Variants in DAB1 observed in about 807,000 individuals in gnomAD.
DAB1 encodes the protein disabled homolog 1.
A neutral mutation model predicts 64.6 loss-of-function variants in DAB1; 15 were observed. That is an observed-to-expected ratio of 0.23 (90% CI 0.16 to 0.36). The LOEUF (loss-of-function observed/expected upper bound fraction) is 0.36, where lower values mean the gene tolerates loss of function less well. DAB1 is among the 10% of genes least tolerant of loss of function. The pLI is 1.00. For synonymous variants in DAB1, 235 were observed against 251.9 expected, an observed-to-expected ratio of 0.93 and a Z score of 0.64; for missense variants, 596 against 706.7, an observed-to-expected ratio of 0.84 and a Z score of 1.78.
intron 6 of DAB1, among the ~76,000 whole-genome samples, chr1:57,738,693 G>A (rs1647816189): frequency 6.6e-6 from 1 of 152,140 alleles, no homozygotes; most frequent in African/African-American, 2.4e-5. Context: ...CCATGTAATT[G>A]TTCAAGTTCA....
intron 3 of DAB1, among the ~76,000 whole-genome samples, chr1:58,446,253 ATTACG>A (rs1645065659): frequency 1.3e-5 from 2 of 152,224 alleles, no homozygotes; most frequent in Non-Finnish European, 2.9e-5. Context: ...CTCCCAGCCC[ATTACG>A]TTACACAAAG....
intron 1 of DAB1, among the ~76,000 whole-genome samples, chr1:57,845,032 G>A (rs1194145868): frequency 6.6e-6 from 1 of 152,170 alleles, no homozygotes; most frequent in African/African-American, 2.4e-5. Flanking sequence ...AACCATCTGA[G>A]ATTAATTCTG....
Position 57,034,890 on chromosome 1 carries a change from T to C in DAB1, c.724-8847A>G, listed in dbSNP as rs546730586. Among the ~76,000 whole-genome samples the C allele has an allele frequency of 1.1e-3, 170 of 152,320 alleles. 1 individual carries two copies. Among genetic ancestry groups the C allele is most frequent in the African/African-American group, 4.0e-3 (166 of 41,578 alleles). ...CCCTGTCTATAGGACATGTGACTGTTACTTCCCTCAGCCCCAGTTACAAAG... is the reference window on the plus strand; with the variant it reads ...CCCTGTCTATAGGACATGTGACTGTCACTTCCCTCAGCCCCAGTTACAAAG... On this transcript the variant is annotated intron_variant, in intron 9 of 14. Coordinates refer to ENST00000371236, the MANE Select transcript of DAB1 (RefSeq NM_001365792.1).
intron 1 of DAB1, among the ~76,000 whole-genome samples, chr1:57,396,167 C>T (rs1682790718): frequency 6.6e-6 from 1 of 152,204 alleles, no homozygotes; most frequent in East Asian, 1.9e-4. Flanking sequence ...ACACACCATG[C>T]TGTGCTTCCC....
At chr1:57,283,598 A>G (rs1262514962) in intron 2 of DAB1, among the ~76,000 whole-genome samples, 2 of 152,256 alleles carry the variant, frequency 1.3e-5, no homozygotes, top group Non-Finnish European at 2.9e-5. Context: ...CAGAAAGATT[A>G]GGTAGCCAGC....
At chr1:58,339,288 T>C in intron 4 of DAB1, among the ~76,000 whole-genome samples, 1 of 152,288 alleles carries the variant, frequency 6.6e-6, no homozygotes, top group East Asian at 1.9e-4. Context: ...ATTCAACAAA[T>C]ATTTATCAAA....
At chr1:57,918,665 A>G (rs997555823) in intron 5 of DAB1, among the ~76,000 whole-genome samples, 1 of 152,152 alleles carries the variant, frequency 6.6e-6, no homozygotes, top group Non-Finnish European at 1.5e-5. Context: ...TCTACTAAAA[A>G]TACAAAAAAT....
At chr1:57,584,218 A>G (rs1041860552) in intron 7 of DAB1, among the ~76,000 whole-genome samples, 4 of 152,104 alleles carry the variant, frequency 2.6e-5, no homozygotes, top group Non-Finnish European at 2.9e-5. Flanking sequence ...CGATTTCTAT[A>G]TATCATTTCC....
At chr1:57,340,069 A>G (rs772824772) in intron 1 of DAB1, among the ~76,000 whole-genome samples, 61 of 152,192 alleles carry the variant, frequency 4.0e-4, no homozygotes, top group Admixed American at 5.9e-4. Flanking sequence ...AGGGAGCAGA[A>G]GCAAAATCTC....
chr1:57,226,300 C>A (rs1017365245), intron 2 of DAB1, among the ~76,000 whole-genome samples: 4 of 152,156 alleles, frequency 2.6e-5, no homozygotes, highest in African/African-American at 9.7e-5. Context: ...GCGTCTAATT[C>A]ATCTGTCAAA....
intron 3 of DAB1, chr1:58,474,011 T>C: frequency 8.8e-7 from 1 of 1,132,948 alleles, no homozygotes; most frequent in South Asian, 1.3e-5. Flanking sequence ...TGGACTTTGA[T>C]TTCCGAGTCA....
chr1:57,809,560 A>ATTTAT (rs1651519265), intron 6 of DAB1, among the ~76,000 whole-genome samples: 1 of 152,196 alleles, frequency 6.6e-6, no homozygotes. Context: ...ATAAACTAAT[A>ATTTAT]TTTTAGGGTT....
intron 7 of DAB1, among the ~76,000 whole-genome samples, chr1:57,476,926 A>C (rs1643945815): frequency 6.6e-6 from 1 of 152,178 alleles, no homozygotes; most frequent in Non-Finnish European, 1.5e-5. Context: ...ATTTTAGGCA[A>C]TTTACTTAAT....
intron 4 of DAB1, among the ~76,000 whole-genome samples, chr1:58,210,540 G>C (rs780828081): frequency 2.0e-5 from 3 of 152,230 alleles, no homozygotes; most frequent in Non-Finnish European, 4.4e-5. Context: ...TCTGAGCTGA[G>C]AAATGTCTAC....
chr1:57,408,615 TAC>T (rs1683851690), intron 1 of DAB1, among the ~76,000 whole-genome samples: 2 of 152,232 alleles, frequency 1.3e-5, no homozygotes, highest in East Asian at 1.9e-4. Context: ...GCCTTGCCAA[TAC>T]AGAGTCCACC....
At chr1:58,180,148 C>T (rs185461504) in intron 4 of DAB1, among the ~76,000 whole-genome samples, 2 of 151,774 alleles carry the variant, frequency 1.3e-5, no homozygotes, top group East Asian at 1.9e-4. Flanking sequence ...AAATCCCCCA[C>T]AGATAACAAA....
At chr1:58,533,982 C>T (rs1359565971) in intron 1 of DAB1, 2 of 871,930 alleles carry the variant, frequency 2.3e-6, no homozygotes, top group African/African-American at 1.6e-5. Flanking sequence ...TGTGCTATTT[C>T]ATGGCCCAGA....
intron 1 of DAB1, among the ~76,000 whole-genome samples, chr1:57,376,675 C>T (rs145598171): frequency 4.1e-4 from 63 of 152,216 alleles, no homozygotes; most frequent in Non-Finnish European, 7.1e-4. Flanking sequence ...TAGAAAAGTG[C>T]CTGTCACACA....
At chr1:57,553,586 A>T (rs1008557805) in intron 7 of DAB1, among the ~76,000 whole-genome samples, 1 of 151,914 alleles carries the variant, frequency 6.6e-6, no homozygotes, top group Non-Finnish European at 1.5e-5. Flanking sequence ...TCAGCAAATC[A>T]CTTGAGCCCA....
Sources: gnomAD v4.1 joint callset for allele counts (sites outside exome capture counted in the v4.1 genomes callset) on GRCh38, gnomAD v4.1.1 for gene constraint, MANE v1.5 for transcripts, NCBI Gene and HGNC (gene_info 2026-07-23, HGNC 2026-07-21) for gene names.